The following VWA5B1 variants were observed in gnomAD, a reference collection of about 807,000 sequenced individuals.
VWA5B1 encodes the protein von Willebrand factor A domain containing 5B1, also known as von Willebrand factor A domain-containing protein 5B1.
A neutral mutation model predicts 118.2 loss-of-function variants in VWA5B1; 115 were observed. The ratio of observed to expected loss-of-function variants is 0.97; its 90% CI spans 0.84 to 1.14. The LOEUF (loss-of-function observed/expected upper bound fraction) is 1.14. Among genes scored for constraint, VWA5B1 ranks in the 50% most tolerant of loss-of-function variants. The pLI, the probability that VWA5B1 is intolerant of heterozygous loss-of-function variation, is 0.00. For synonymous variants in VWA5B1, 682 were observed against 658.4 expected (o/e 1.04, Z -0.55); for missense variants, 1,596 against 1,603.8 (o/e 1.00, Z 0.08).
rs2090177398 is a variant in VWA5B1, at chr1:20,353,837, C to G, written c.3222C>G (p.Leu1074=). The change falls in exon 22 of 22, where the codon CTC becomes CTG. Residue 1074 remains leucine, a synonymous_variant. Transcript: ENST00000289815. The part of the protein sequence containing the change: ...CEATHIPMEK[L]KWTSPFTCHR... Reference sequence around the variant, plus strand: ...CCACGCACATCCCCATGGAGAAGCTCAAGTGGACGTCCCCCTTCACCTGCC... The same window carrying G: ...CCACGCACATCCCCATGGAGAAGCTGAAGTGGACGTCCCCCTTCACCTGCC... The G allele has an allele frequency of 6.5e-7, 1 of 1,526,856 alleles. No individual in the cohort carries two copies. The highest frequency in any genetic ancestry group is 1.4e-5 in the African/African-American group (1 of 72,550). The allele number at this position is 1,526,856 out of a possible 1,614,324, so 94.6% of individuals were successfully genotyped here.
chr1:20,312,894 T>C lies in VWA5B1; in HGVS notation c.198T>C (p.Ile66=). 1 of 1,551,668 alleles carries C rather than the reference T, an allele frequency of 6.4e-7. No individual in the cohort carries two copies. The highest frequency in any genetic ancestry group is 8.7e-7 in the Non-Finnish European group (1 of 1,146,982). ...CGGTGATCGGCTTTGAGGCAGTCAT[T>C]GCCGACCGTGTCGTGACAGTACAGA... ...CTTVIGFEAV[I]ADRVVTVQIK... Residue 66 remains isoleucine, a synonymous_variant, in exon 3 of 22, where the codon ATT becomes ATC. Transcript: ENST00000289815.
In VWA5B1 at chr1:20,356,772, A is replaced by C. The variant is rs1189142013; in HGVS notation, c.*2509A>C. Among the ~76,000 whole-genome samples the C allele has an allele frequency of 6.6e-6, 1 of 152,194 alleles. No individual in the cohort carries two copies. Among genetic ancestry groups the C allele is most frequent in the Non-Finnish European group, 1.5e-5 (1 of 68,036 alleles). The stretch of plus-strand genomic sequence containing the variant: ...CAGCCCCAAAGGTGCAGAAGAACAA[A>C]TCTTCATTGGTTGCAAATAACCCAA... On this transcript the variant is annotated 3_prime_UTR_variant, in exon 22 of 22. Coordinates refer to ENST00000289815, the MANE Select transcript of VWA5B1 (RefSeq NM_001039500.3).
chr1:20,312,705 G>A, intron 2 of VWA5B1, 131 bp from the exon 3 acceptor site: 2 of 1,271,304 alleles, frequency 1.6e-6, no homozygotes. Context: ...TCTCTGCCGA[G>A]GCCTCTCGGC....
intron 5 of VWA5B1, among the ~76,000 whole-genome samples, chr1:20,317,975 T>C (rs1191460505): frequency 1.3e-5 from 2 of 151,128 alleles, no homozygotes; most frequent in Non-Finnish European, 2.9e-5. Flanking sequence ...AGCTGCTTCC[T>C]GGTTCTCACC....
intron 10 of VWA5B1, 141 bp downstream of exon 10, chr1:20,330,523 T>A: frequency 9.2e-7 from 1 of 1,083,794 alleles, no homozygotes; most frequent in Non-Finnish European, 1.3e-6. Flanking sequence ...CAAGATAGTG[T>A]GGGCTGATTT....
In VWA5B1 at chr1:20,330,998, C is replaced by G; in HGVS notation, c.1572+15C>G. ...TGCAACCCAAGGTAGGCAGCAGAAC[C>G]CACGCAGTCCCTTCTGGTGCTGGAA... is the stretch of plus-strand genomic sequence containing the variant. On this transcript the variant is annotated intron_variant, in intron 11 of 21. Coordinates refer to ENST00000289815, the MANE Select transcript of VWA5B1 (RefSeq NM_001039500.3). 10 of 1,530,640 alleles carry G rather than the reference C, an allele frequency of 6.5e-6. No individual in the cohort carries two copies. Among genetic ancestry groups the G allele is most frequent in the Non-Finnish European group, 8.8e-6 (10 of 1,136,630 alleles). 94.8% of individuals were successfully genotyped at this position (1,530,640 alleles called of 1,614,324 possible).
chr1:20,291,165 A>ACTGTGTGTGT (rs1553192684), intron 1 of VWA5B1, 77 bp downstream of exon 1: 5,555 of 134,882 alleles, frequency 0.041, 149 homozygotes, highest in Admixed American at 0.074. Flanking sequence ...GGCATGCATG[A>ACTGTGTGTGT]GTGTGTGTGT....
chr1:20,334,182 T>A (rs2089649967), intron 12 of VWA5B1, among the ~76,000 whole-genome samples: 1 of 152,248 alleles, frequency 6.6e-6, no homozygotes, highest in East Asian at 1.9e-4. Context: ...GATTTTTTAA[T>A]GTTATGAAAT....
chr1:20,342,311 G>A, intron 14 of VWA5B1, 121 bp from the exon 15 acceptor site: 1 of 1,034,102 alleles, frequency 9.7e-7, no homozygotes, highest in Non-Finnish European at 1.4e-6. Context: ...GAGCTGGTGG[G>A]GTGGGGGTGG....
chr1:20,351,020 G>C, intron 20 of VWA5B1, 94 bp downstream of exon 20: 1 of 1,248,442 alleles, frequency 8.0e-7, no homozygotes, highest in East Asian at 2.5e-5. Flanking sequence ...GCCAAAGACA[G>C]GTTCAGCCTG....
chr1:20,332,673 G>T, intron 11 of VWA5B1, 93 bp from the exon 12 acceptor site: 1 of 1,387,172 alleles, frequency 7.2e-7, no homozygotes, highest in Non-Finnish European at 9.8e-7. Context: ...CCTCTTCCCT[G>T]CTCCCACTCC....
chr1:20,310,312 G>T (rs150064056), intron 1 of VWA5B1, among the ~76,000 whole-genome samples: 109 of 152,262 alleles, frequency 7.2e-4, no homozygotes, highest in African/African-American at 2.5e-3. Flanking sequence ...GTGCGCCAAC[G>T]CTTTGAGTGA....
rs1031684330 is a variant in VWA5B1, at chr1:20,294,523, A to G, written c.-27+3435A>G. ...AGACGGAGTTTCACTCTTGTTGCCC[A>G]GGCTGGAGTGCAATGGCATAATCTC... is the stretch of plus-strand genomic sequence containing the variant. On this transcript the variant is annotated intron_variant, in intron 1 of 21. Coordinates refer to ENST00000289815, the MANE Select transcript of VWA5B1 (RefSeq NM_001039500.3). Among the ~76,000 whole-genome samples the G allele has an allele frequency of 4.6e-5, 7 of 152,284 alleles. No homozygotes were observed. In the East Asian group the frequency reaches 1.2e-3, roughly 25 times the overall value.
At chr1:20,322,075 A>G (rs1164084993) in intron 7 of VWA5B1, among the ~76,000 whole-genome samples, 2 of 152,226 alleles carry the variant, frequency 1.3e-5, no homozygotes, top group East Asian at 3.9e-4. Flanking sequence ...TCTCCTGAAC[A>G]CGGGCAGTAG....
chr1:20,330,078 G>A, intron 9 of VWA5B1, 102 bp from the exon 10 acceptor site: 1 of 1,342,136 alleles, frequency 7.5e-7, no homozygotes. Flanking sequence ...GTCAACTCTG[G>A]TGAGGCTAAA....
chr1:20,348,475 G>A, intron 18 of VWA5B1, 117 bp downstream of exon 18: 1 of 1,088,660 alleles, frequency 9.2e-7, no homozygotes, highest in South Asian at 1.4e-5. Flanking sequence ...CTGCACTGTG[G>A]GCTTAGGCAG....
intron 1 of VWA5B1, among the ~76,000 whole-genome samples, chr1:20,297,300 G>GT (rs2088422668): frequency 6.6e-6 from 1 of 152,238 alleles, no homozygotes; most frequent in Non-Finnish European, 1.5e-5. Flanking sequence ...CATGTACAAA[G>GT]TAGGCCGTGC....
chr1:20,331,030 A>G, intron 11 of VWA5B1, 47 bp downstream of exon 11: 1 of 1,472,164 alleles, frequency 6.8e-7, no homozygotes, highest in Non-Finnish European at 9.1e-7. Context: ...GGAACCTCAG[A>G]GGCTCAGACC....
At chr1:20,342,789 G>C (rs1030030476) in intron 15 of VWA5B1, among the ~76,000 whole-genome samples, 180 bp downstream of exon 15, 1 of 152,164 alleles carries the variant, frequency 6.6e-6, no homozygotes, top group Non-Finnish European at 1.5e-5. Context: ...CCTGGTTCTT[G>C]GGTGGCCTCT....
Sources: gnomAD v4.1 joint callset for allele counts (sites outside exome capture counted in the v4.1 genomes callset) on GRCh38, gnomAD v4.1.1 for gene constraint, MANE v1.5 for transcripts, NCBI Gene and HGNC (gene_info 2026-07-23, HGNC 2026-07-21) for gene names.